Variants in SLC25A15 observed in about 807,000 individuals in gnomAD.
The protein encoded by SLC25A15 is solute carrier family 25 member 15.
Under a neutral mutation model 32.3 loss-of-function variants are expected in SLC25A15, and 24 were observed. The ratio of observed to expected loss-of-function variants is 0.74; its 90% CI spans 0.54 to 1.04. The LOEUF is 1.04. Among genes scored for constraint, SLC25A15 ranks in the 50% least tolerant of loss-of-function variants. The pLI is 0.00. For missense variants in SLC25A15, 317 were observed against 374.5 expected (o/e 0.85, Z 1.27); for synonymous variants, 132 against 142.1 (o/e 0.93, Z 0.51).
chr13:40,804,513 AC>A (rs1882062813), intron 3 of SLC25A15, among the ~76,000 whole-genome samples: 1 of 151,220 alleles, frequency 6.6e-6, no homozygotes, highest in Non-Finnish European at 1.5e-5. Flanking sequence ...CTTAGATGAA[AC>A]AGCACATGCA....
At chr13:40,801,498 G>C (rs1041855138) in intron 3 of SLC25A15, among the ~76,000 whole-genome samples, 3 of 152,272 alleles carry the variant, frequency 2.0e-5, no homozygotes, top group Admixed American at 2.0e-4. Flanking sequence ...ATGTTGACCT[G>C]CTCAAGGTCA....
In SLC25A15 at chr13:40,793,154, C is replaced by G; in HGVS notation, c.-69-4C>G. The G allele has an allele frequency of 4.7e-6, 7 of 1,500,236 alleles. No homozygotes were observed. The highest frequency in any genetic ancestry group is 5.6e-6 in the Non-Finnish European group (6 of 1,078,816). The allele number at this position is 1,500,236 out of a possible 1,614,324, so 92.9% of individuals were successfully genotyped here. A position where few individuals can be genotyped will look rare whatever the true frequency, so the allele number is the denominator to read the frequency against. ...ACTAATGGTGAACTCTTGCCTCCCCCCAGGGATATGTGGTGCCTGTCATAA... is the reference window on the plus strand; with the variant it reads ...ACTAATGGTGAACTCTTGCCTCCCCGCAGGGATATGTGGTGCCTGTCATAA... On this transcript the variant is annotated splice_region_variant and splice_polypyrimidine_tract_variant and intron_variant, in intron 1 of 6. Coordinates refer to ENST00000338625, the MANE Select transcript of SLC25A15 (RefSeq NM_014252.4).
At chr13:40,796,716 G>A (rs549226514) in intron 2 of SLC25A15, among the ~76,000 whole-genome samples, 55 of 152,236 alleles carry the variant, frequency 3.6e-4, no homozygotes, top group African/African-American at 1.3e-3. Context: ...CCTGTGGTGT[G>A]AGTCTGCTTC....
rs1368244689 is a variant in SLC25A15, at chr13:40,811,880, G to C, written c.*2213G>C. ...TGTCCATGAATCCTCTGTGGCAACT[G>C]TAATCACAGAGCCAGAAGCCAGAGG... On this transcript the variant is annotated 3_prime_UTR_variant, in exon 7 of 7. Coordinates refer to ENST00000338625, the MANE Select transcript of SLC25A15 (RefSeq NM_014252.4). Among the ~76,000 whole-genome samples, 1 of 152,192 alleles carries C rather than the reference G, an allele frequency of 6.6e-6. No individual in the cohort carries two copies. The highest frequency in any genetic ancestry group is 1.5e-5 in the Non-Finnish European group (1 of 68,034).
At chr13:40,805,991 C>A (rs1213917504) in intron 4 of SLC25A15, among the ~76,000 whole-genome samples, 1 of 152,122 alleles carries the variant, frequency 6.6e-6, no homozygotes, top group Admixed American at 6.5e-5. Context: ...TAACTCAAAG[C>A]CTATAAATCT....
intron 3 of SLC25A15, among the ~76,000 whole-genome samples, chr13:40,804,842 G>T (rs1187559552): frequency 6.6e-6 from 1 of 151,892 alleles, no homozygotes; most frequent in African/African-American, 2.4e-5. Context: ...GAGCCACGGC[G>T]CCCGGCCCTT....
intron 3 of SLC25A15, among the ~76,000 whole-genome samples, chr13:40,799,712 C>T (rs913441225): frequency 3.3e-5 from 5 of 152,276 alleles, no homozygotes; most frequent in Admixed American, 1.3e-4. Context: ...CAGTTTTCTC[C>T]AGGAGAATGC....
chr13:40,809,886 T>C lies in SLC25A15; in HGVS notation c.*219T>C. 3.6e-6 allele frequency: 2 copies of C among 554,696 alleles called. No individual in the cohort carries two copies. The highest frequency in any genetic ancestry group is 4.0e-5 in the South Asian group (2 of 49,844). The allele number at this position is 554,696 out of a possible 1,614,324, so 34.4% of individuals were successfully genotyped here. ...TGTACTGAAATAGAAAAGTGACCGC[T>C]CTTGCTCTTGGTAAAATATAGAGTG... On this transcript the variant is annotated 3_prime_UTR_variant, in exon 7 of 7. Coordinates refer to ENST00000338625, the MANE Select transcript of SLC25A15 (RefSeq NM_014252.4).
At chr13:40,808,619 A>G in intron 6 of SLC25A15, 23 bp downstream of exon 6, 3 of 1,594,468 alleles carry the variant, frequency 1.9e-6, no homozygotes, top group Admixed American at 1.7e-5. Context: ...CTGTTTTTCA[A>G]GCATCTATAT....
At chr13:40,796,686 CTCT>C (rs1881679012) in intron 2 of SLC25A15, among the ~76,000 whole-genome samples, 1 of 152,152 alleles carries the variant, frequency 6.6e-6, no homozygotes, top group Non-Finnish European at 1.5e-5. Flanking sequence ...AGGGTCTCAC[CTCT>C]GCTTGGTGGG....
At chr13:40,795,108 A>C (rs1881627520) in intron 2 of SLC25A15, among the ~76,000 whole-genome samples, 1 of 152,132 alleles carries the variant, frequency 6.6e-6, no homozygotes, top group Non-Finnish European at 1.5e-5. Flanking sequence ...TTTAGGCTAC[A>C]GCCTCCCAAG....
intron 1 of SLC25A15, among the ~76,000 whole-genome samples, chr13:40,792,159 T>G (rs1881530343): frequency 6.6e-6 from 1 of 152,166 alleles, no homozygotes; most frequent in Non-Finnish European, 1.5e-5. Context: ...AGAAAGAAAT[T>G]CTAGTTTTCC....
rs1248311715 is a variant in SLC25A15 at position 40,812,339 on chromosome 13, G to GTT, written c.*2674_*2675dup. Among the ~76,000 whole-genome samples the GTT allele has an allele frequency of 6.6e-6, 1 of 152,122 alleles. No individual in the cohort carries two copies. The highest frequency in any genetic ancestry group is 1.5e-5 in the Non-Finnish European group (1 of 68,018). On this transcript the variant is annotated 3_prime_UTR_variant, in exon 7 of 7. Transcript: ENST00000338625. ...AGAATATTTTTTTTTTATTCATTCT[G>GTT]TTTGCTTAATTCAGAGTACAGTTTG...
intron 5 of SLC25A15, among the ~76,000 whole-genome samples, chr13:40,808,117 G>A (rs1368242186): frequency 2.0e-5 from 3 of 152,224 alleles, no homozygotes; most frequent in African/African-American, 7.2e-5. Context: ...TCTCCCCACT[G>A]TAGGGGGTTG....
chr13:40,791,364 ATT>A (rs1426008130), intron 1 of SLC25A15, among the ~76,000 whole-genome samples: 1 of 127,902 alleles, frequency 7.8e-6, no homozygotes. Context: ...TATTATTATT[ATT>A]TTTTTTTTTG....
chr13:40,789,717 G>A (rs1269869007), intron 1 of SLC25A15, 54 bp downstream of exon 1: 2 of 151,868 alleles, frequency 1.3e-5, no homozygotes, highest in Non-Finnish European at 2.9e-5. Context: ...CCAGGCAGAG[G>A]GAGCGGGGAG....
rs1438844407 is a variant in SLC25A15, at chr13:40,811,349, CG to C, written c.*1683del. Among the ~76,000 whole-genome samples, 3 of 151,962 alleles carry C rather than the reference CG, an allele frequency of 2.0e-5. No homozygotes were observed. The highest frequency in any genetic ancestry group is 2.9e-5 in the Non-Finnish European group (2 of 67,986). On this transcript the variant is annotated 3_prime_UTR_variant, in exon 7 of 7. Transcript: ENST00000338625. The stretch of plus-strand genomic sequence containing the variant: ...ACTAAAAATACAAAAATTAGCTGGG[CG>C]TGGTGGCACGTGCCTGTAATCCCAG...
At chr13:40,793,344 C>A in intron 2 of SLC25A15, 63 bp downstream of exon 2, 1 of 1,358,124 alleles carries the variant, frequency 7.4e-7, no homozygotes, top group South Asian at 1.2e-5. Context: ...TGATGGTGGT[C>A]CCATGAGATT....
intron 4 of SLC25A15, among the ~76,000 whole-genome samples, chr13:40,806,094 C>T (rs1434856977): frequency 6.6e-6 from 1 of 152,180 alleles, no homozygotes; most frequent in East Asian, 1.9e-4. Context: ...ATTTTCTGCA[C>T]CCTTGAGATT....
Sources: allele counts gnomAD v4.1 joint callset (sites outside exome capture counted in the v4.1 genomes callset), GRCh38; gene constraint gnomAD v4.1.1; transcripts MANE v1.5; gene names NCBI Gene and HGNC (gene_info 2026-07-23, HGNC 2026-07-21).